EP300: variants seen among roughly 807,000 people sequenced by gnomAD.
The protein encoded by EP300 is histone acetyltransferase p300.
EP300 carries 31 observed loss-of-function variants against 264.0 expected under a neutral mutation model. The ratio of observed to expected loss-of-function variants is 0.12; its 90% CI spans 0.09 to 0.16. The LOEUF (loss-of-function observed/expected upper bound fraction) is 0.16, where lower values mean the gene tolerates loss of function less well. Ranked by LOEUF, EP300 falls within the 10% of genes least tolerant of loss-of-function variation. The probability of loss-of-function intolerance (pLI) is 1.00; values close to 1 mark genes in which losing one functional copy is unlikely to be tolerated. For missense variants in EP300, 2,766 were observed against 3,052.9 expected (o/e 0.91, Z 2.21); for synonymous variants, 1,340 against 1,045.4 (o/e 1.28, Z -5.44).
At chr22:41,129,708 C>G (rs2058905637) in intron 4 of EP300, among the ~76,000 whole-genome samples, 182 bp from the exon 5 acceptor site, 2 of 152,038 alleles carry the variant, frequency 1.3e-5, no homozygotes, top group African/African-American at 4.8e-5. Context: ...AATTGCTTAC[C>G]CATTCTTTTT....
At chr22:41,154,325 T>G (rs930897005) in intron 16 of EP300, among the ~76,000 whole-genome samples, 1 of 151,392 alleles carries the variant, frequency 6.6e-6, no homozygotes, top group Non-Finnish European at 1.5e-5. Context: ...GAAAGACTTT[T>G]CTGTTCTTGC....
Position 41,179,533 on chromosome 22 carries a change from T to A in EP300, c.*577T>A, listed in dbSNP as rs1209883648. 1.1e-4 allele frequency: 18 copies of A among 165,138 alleles called. No homozygotes were observed. Among genetic ancestry groups the A allele is most frequent in the Non-Finnish European group, 1.4e-4 (11 of 79,602 alleles). 10.2% of individuals were successfully genotyped at this position (165,138 alleles called of 1,614,324 possible). ...GATGTTCATTCTTTTAAAAAATGTT[T>A]AAAAAAAAAAAAAAACTGCCTTTCT... is the stretch of plus-strand genomic sequence containing the variant. On this transcript the variant is annotated 3_prime_UTR_variant, in exon 31 of 31. Transcript: ENST00000263253.
chr22:41,149,867 A>G lies in EP300; in HGVS notation c.2486A>G (p.Gln829Arg). ...CPQLPQPALH[Q>R]NSPSPVPSRT... is the part of the protein sequence containing the mutation. Reference sequence around the variant, plus strand: ...CAGCTTCCTCAACCAGCTCTTCATCAGAATTCACCCTCGCCTGTACCTAGT... The same window carrying G: ...CAGCTTCCTCAACCAGCTCTTCATCGGAATTCACCCTCGCCTGTACCTAGT... The change falls in exon 14 of 31, where the codon CAG becomes CGG. Residue 829 changes from glutamine (Q) to arginine (R), a missense_variant. Transcript: ENST00000263253. The G allele has an allele frequency of 6.2e-7, 1 of 1,614,076 alleles. No homozygotes were observed. Among genetic ancestry groups the G allele is most frequent in the Non-Finnish European group, 8.5e-7 (1 of 1,180,008 alleles).
intron 1 of EP300, among the ~76,000 whole-genome samples, chr22:41,094,714 T>C (rs556614335): frequency 1.3e-5 from 2 of 152,362 alleles, no homozygotes; most frequent in South Asian, 2.1e-4. Context: ...GTTTCTTTCG[T>C]ATTTGTGTAA....
chr22:41,141,665 C>CTTTTT (rs77123676), intron 10 of EP300, among the ~76,000 whole-genome samples: 2 of 146,120 alleles, frequency 1.4e-5, no homozygotes. Flanking sequence ...TCTAGGAACT[C>CTTTTT]TTTTTTTTTT....
chr22:41,094,573 G>A (rs1601583642), intron 1 of EP300, among the ~76,000 whole-genome samples: 1 of 152,234 alleles, frequency 6.6e-6, no homozygotes, highest in East Asian at 1.9e-4. Context: ...GATTTTTTTA[G>A]CTGGTTTTTT....
At position 41,146,780 on chromosome 22, in the gene EP300, C is replaced by T. The variant is rs1481692627; in HGVS notation, c.2095C>T (p.Pro699Ser). ...PDPSMIRGSV[P>S]NQMMPRITPQ... ...CCCAAGTATGATCCGTGGCAGTGTG[C>T]CAAACCAGATGATGCCTCGAATAAC... The change falls in exon 11 of 31, where the codon CCA (proline) becomes TCA (serine). Residue 699 changes from proline to serine, a missense_variant. By Grantham distance (74) the Pro-to-Ser change is moderately conservative. Coordinates refer to ENST00000263253, the MANE Select transcript of EP300 (RefSeq NM_001429.4). 1 of 1,614,002 alleles carries T rather than the reference C, an allele frequency of 6.2e-7. No homozygotes were observed. The highest frequency in any genetic ancestry group is 8.5e-7 in the Non-Finnish European group (1 of 1,180,018).
intron 1 of EP300, among the ~76,000 whole-genome samples, chr22:41,116,377 C>G (rs1312542262): frequency 2.0e-5 from 3 of 152,106 alleles, no homozygotes; most frequent in Non-Finnish European, 2.9e-5. Context: ...CCCCCCATCC[C>G]CCAGCAGGCC....
At chr22:41,173,576 A>G in intron 28 of EP300, 47 bp from the exon 29 acceptor site, 1 of 1,603,158 alleles carries the variant, frequency 6.2e-7, no homozygotes. Flanking sequence ...TTCCCAAATT[A>G]CTTAACAAAA....
intron 1 of EP300, 51 bp from the exon 2 acceptor site, chr22:41,117,136 T>C: frequency 6.5e-7 from 1 of 1,535,880 alleles, no homozygotes; most frequent in Non-Finnish European, 9.0e-7. Context: ...GAGCAGTTTT[T>C]TATTTTGGTT....
chr22:41,146,677 T>G (rs1454920089), intron 10 of EP300, 62 bp from the exon 11 acceptor site: 4 of 1,420,868 alleles, frequency 2.8e-6, no homozygotes, highest in African/African-American at 2.8e-5. Flanking sequence ...GTGTGTGCAG[T>G]GAGTTTTTGT....
At chr22:41,145,291 ACTT>A (rs1199948643) in intron 10 of EP300, among the ~76,000 whole-genome samples, 1 of 152,266 alleles carries the variant, frequency 6.6e-6, no homozygotes, top group Admixed American at 6.5e-5. Flanking sequence ...TTATGCATAT[ACTT>A]CTTATAAAGC....
chr22:41,140,908 C>G (rs982986782), intron 9 of EP300, 140 bp from the exon 10 acceptor site: 1 of 776,626 alleles, frequency 1.3e-6, no homozygotes, highest in African/African-American at 1.8e-5. Flanking sequence ...ATAAGTTGAA[C>G]TTTCCTTTCT....
chr22:41,141,651 T>C (rs1348390166), intron 10 of EP300, among the ~76,000 whole-genome samples: 4 of 151,600 alleles, frequency 2.6e-5, no homozygotes, highest in Non-Finnish European at 5.9e-5. Context: ...TAAAATATTC[T>C]AAGTCTAGGA....
chr22:41,168,630 G>C lies in EP300; in HGVS notation c.4025+31G>C, dbSNP rs757111228. 27 of 1,614,034 alleles carry C rather than the reference G, an allele frequency of 1.7e-5. No individual in the cohort carries two copies. The South Asian group carries it at 2.9e-4, about 17-fold the overall frequency. ...TAGTCATTTCACTTTTCTTCTCCTC[G>C]TGGATCCAAAATTGCTCATACATGG... On this transcript the variant is annotated intron_variant, in intron 24 of 30. Coordinates refer to ENST00000263253, the MANE Select transcript of EP300 (RefSeq NM_001429.4).
At chr22:41,134,856 C>T (rs73176608) in intron 6 of EP300, among the ~76,000 whole-genome samples, 2,526 of 152,168 alleles carry the variant, frequency 0.017, 36 homozygotes, top group Non-Finnish European at 0.026. Flanking sequence ...GCATATTTTC[C>T]CCTCTTGTTT....
intron 6 of EP300, among the ~76,000 whole-genome samples, chr22:41,135,103 C>T (rs2058943056): frequency 6.6e-6 from 1 of 151,894 alleles, no homozygotes; most frequent in African/African-American, 2.4e-5. Context: ...GGTTTCACCA[C>T]ATTGGCCAGG....
At chr22:41,144,287 A>G (rs183558399) in intron 10 of EP300, among the ~76,000 whole-genome samples, 272 of 152,342 alleles carry the variant, frequency 1.8e-3, no homozygotes, top group Middle Eastern at 6.8e-3. Flanking sequence ...GTTTGCATTA[A>G]GGGCATATAT....
At chr22:41,119,427 C>A (rs1401290537) in intron 2 of EP300, among the ~76,000 whole-genome samples, 1 of 151,938 alleles carries the variant, frequency 6.6e-6, no homozygotes, top group Non-Finnish European at 1.5e-5. Context: ...GATCTAGGAA[C>A]ATAGCTATGA....
Sources: allele counts gnomAD v4.1 joint callset (sites outside exome capture counted in the v4.1 genomes callset), GRCh38; gene constraint gnomAD v4.1.1; transcripts MANE v1.5; gene names NCBI Gene and HGNC (gene_info 2026-07-23, HGNC 2026-07-21).